The following SEPHS1 variants were observed in gnomAD, a reference collection of about 807,000 sequenced individuals.
SEPHS1 encodes zincore component SEPHS1.
A neutral mutation model predicts 39.2 loss-of-function variants in SEPHS1; 7 were observed. The ratio of observed to expected loss-of-function variants is 0.18; its 90% confidence interval spans 0.10 to 0.34. The LOEUF (loss-of-function observed/expected upper bound fraction) is 0.34, where lower values mean the gene tolerates loss of function less well. Ranked by LOEUF, SEPHS1 falls within the 10% of genes least tolerant of loss-of-function variation. SEPHS1 has a pLI of 1.00. For missense variants in SEPHS1, 253 were observed against 514.5 expected (o/e 0.49, Z 4.92); for synonymous variants, 190 against 195.5 (o/e 0.97, Z 0.23).
In SEPHS1 at chr10:13,336,409, G is replaced by C. The variant is rs551718302; in HGVS notation, c.298-59C>G. ...CGGGGACTTTCCATCTGCAGAAACT[G>C]AGTGAGCCATGGAGTGGACTCCACA... On this transcript the variant is annotated intron_variant, in intron 3 of 8. Transcript: ENST00000327347. 34 of 1,279,844 alleles carry C rather than the reference G, an allele frequency of 2.7e-5. No homozygotes were observed. The East Asian group carries it at 7.3e-4, about 27-fold the overall frequency. 79.3% of individuals were successfully genotyped at this position (1,279,844 alleles called of 1,614,324 possible).
At chr10:13,322,809 C>T in intron 8 of SEPHS1, 26 bp downstream of exon 8, 3 of 1,605,912 alleles carry the variant, frequency 1.9e-6, no homozygotes, top group Non-Finnish European at 2.6e-6. Flanking sequence ...ACTATTTAGT[C>T]CTCAGATGCG....
At chr10:13,324,159 T>C (rs1237185470) in intron 7 of SEPHS1, among the ~76,000 whole-genome samples, 1 of 152,226 alleles carries the variant, frequency 6.6e-6, no homozygotes. Context: ...CAGAATGTCA[T>C]GCAGTTGGAA....
At chr10:13,326,976 G>A (rs1588536463) in intron 7 of SEPHS1, among the ~76,000 whole-genome samples, 2 of 152,012 alleles carry the variant, frequency 1.3e-5, no homozygotes, top group East Asian at 1.9e-4. Context: ...TATGGCTCAC[G>A]CCTATAATCC....
intron 2 of SEPHS1, among the ~76,000 whole-genome samples, chr10:13,343,335 A>T (rs1833846489): frequency 6.6e-6 from 1 of 152,132 alleles, no homozygotes; most frequent in African/African-American, 2.4e-5. Flanking sequence ...CATCAGCTGG[A>T]CGGCAGGAAC....
At chr10:13,328,652 T>C (rs1313445485) in intron 6 of SEPHS1, among the ~76,000 whole-genome samples, 3 of 152,242 alleles carry the variant, frequency 2.0e-5, no homozygotes, top group Admixed American at 6.5e-5. Context: ...GTCTTTTCTG[T>C]TCTCATCCCA....
At chr10:13,345,093 A>G in intron 1 of SEPHS1, 65 bp from the exon 2 acceptor site, 1 of 675,686 alleles carries the variant, frequency 1.5e-6, no homozygotes, top group Non-Finnish European at 2.3e-6. Flanking sequence ...CCAGCGAATC[A>G]AGTGAATACA....
In SEPHS1 at chr10:13,344,827, G is replaced by A. The variant is rs2275127; in HGVS notation, c.124C>T (p.Leu42=). 6,817 of 1,604,196 alleles carry A rather than the reference G, an allele frequency of 4.2e-3. 175 individuals carry two copies. The African/African-American group carries it at 0.049, about 11-fold the overall frequency. ...KVPQDVLQKL[L]ESLQENHFQE... is the part of the protein sequence containing the mutation. ...AAGTGGTTCTCCTGTAAAGATTCCAGCAATTTTTGCAGGACATCTTGGGGC... is the reference window on the plus strand; with the variant it reads ...AAGTGGTTCTCCTGTAAAGATTCCAACAATTTTTGCAGGACATCTTGGGGC... Residue 42 remains leucine (L), a synonymous_variant, in exon 2 of 9, where the codon CTG becomes TTG. Transcript: ENST00000327347.
At chr10:13,346,428 G>A (rs1833923515) in intron 1 of SEPHS1, among the ~76,000 whole-genome samples, 2 of 152,154 alleles carry the variant, frequency 1.3e-5, no homozygotes, top group South Asian at 4.1e-4. Flanking sequence ...CCGAGTTTGG[G>A]CAGTAATCCA....
In SEPHS1 at chr10:13,347,010, G is replaced by C. The variant is rs141584430; in HGVS notation, c.-79+990C>G. Among the ~76,000 whole-genome samples the C allele has an allele frequency of 2.3e-3, 354 of 152,300 alleles. 11 individuals are homozygous for C. The East Asian group carries it at 0.054, about 23-fold the overall frequency. On this transcript the variant is annotated intron_variant, in intron 1 of 8. Transcript: ENST00000327347. The stretch of plus-strand genomic sequence containing the variant: ...TTACATTTTTGGAGGGCATGGGAAG[G>C]GGGAGGGGGTTCTGGGGGAAATGTG...
At chr10:13,342,881 G>A (rs950777959) in intron 2 of SEPHS1, among the ~76,000 whole-genome samples, 3 of 151,958 alleles carry the variant, frequency 2.0e-5, no homozygotes, top group Non-Finnish European at 4.4e-5. Context: ...AACTACAGGT[G>A]TACACCAGCA....
Position 13,319,991 on chromosome 10 carries a change from T to C in SEPHS1, c.965-635A>G, listed in dbSNP as rs181380069. 7.2e-5 allele frequency among the ~76,000 whole-genome samples: 11 copies of C among 152,342 alleles called. 1 individual carries two copies. The East Asian group carries it at 1.9e-3, about 27-fold the overall frequency. The stretch of plus-strand genomic sequence containing the variant: ...AATATTGACAAACAAAAGGGAACTT[T>C]TGATTCTCTACATCGACTCTCTCAT... On this transcript the variant is annotated intron_variant, in intron 8 of 8. Coordinates refer to ENST00000327347, the MANE Select transcript of SEPHS1 (RefSeq NM_012247.5).
rs762321273 is a variant in SEPHS1 at position 13,322,969 on chromosome 10, T to C, written c.830A>G (p.Asn277Ser). 1 of 1,613,930 alleles carries C rather than the reference T, an allele frequency of 6.2e-7. No homozygotes were observed. The highest frequency in any genetic ancestry group is 1.3e-5 in the African/African-American group (1 of 74,882). ...CTCGTTCCTCTGCTGCTTGGCCAGG[T>C]TCTGCGCATGGCCCAAAATCCCGAA... ...TGFGILGHAQ[N>S]LAKQQRNEVS... is the part of the protein sequence containing the mutation. Residue 277 changes from asparagine to serine, a missense_variant, in exon 8 of 9, where the codon AAC (asparagine) becomes AGC (serine). By Grantham distance (46) the Asn-to-Ser change is conservative. Coordinates refer to ENST00000327347, the MANE Select transcript of SEPHS1 (RefSeq NM_012247.5).
At chr10:13,340,276 C>G (rs779107236) in intron 2 of SEPHS1, among the ~76,000 whole-genome samples, 5 of 151,712 alleles carry the variant, frequency 3.3e-5, no homozygotes, top group African/African-American at 4.8e-5. Flanking sequence ...CACTAGATAA[C>G]AAAGCAGAAA....
At chr10:13,342,659 A>G (rs959916251) in intron 2 of SEPHS1, among the ~76,000 whole-genome samples, 9 of 152,228 alleles carry the variant, frequency 5.9e-5, no homozygotes, top group Admixed American at 2.6e-4. Flanking sequence ...GGGTATACAC[A>G]TACATGTATT....
chr10:13,336,536 G>A (rs1373180162), intron 3 of SEPHS1, 186 bp from the exon 4 acceptor site: 1 of 607,004 alleles, frequency 1.6e-6, no homozygotes, highest in African/African-American at 1.8e-5. Flanking sequence ...GAGTCACTAG[G>A]CCATTCGTTT....
chr10:13,341,442 C>G (rs1277135334), intron 2 of SEPHS1, among the ~76,000 whole-genome samples: 2 of 126,968 alleles, frequency 1.6e-5, no homozygotes, highest in African/African-American at 5.0e-5. Context: ...TACCCACCCC[C>G]AACCCCTGCA....
chr10:13,337,105 C>G lies in SEPHS1; in HGVS notation c.298-755G>C, dbSNP rs559226321. 3.3e-5 allele frequency among the ~76,000 whole-genome samples: 5 copies of G among 151,906 alleles called. No homozygotes were observed. The South Asian group carries it at 1.0e-3, about 32-fold the overall frequency. On this transcript the variant is annotated intron_variant, in intron 3 of 8. Coordinates refer to ENST00000327347, the MANE Select transcript of SEPHS1 (RefSeq NM_012247.5). The stretch of plus-strand genomic sequence containing the variant: ...GGTGGAGGTTGCAGTAAGCTGAGAT[C>G]GTGCCACTGCACTCTAGCCTGGGCA...
At chr10:13,320,303 T>C (rs1833067907) in intron 8 of SEPHS1, among the ~76,000 whole-genome samples, 1 of 151,806 alleles carries the variant, frequency 6.6e-6, no homozygotes, top group Non-Finnish European at 1.5e-5. Flanking sequence ...TGCCTCAGCC[T>C]CCTGAGTAGC....
At position 13,338,762 on chromosome 10, in the gene SEPHS1, A is replaced by G. The variant is rs1182570105; in HGVS notation, c.240T>C (p.Leu80=). The change falls in exon 3 of 9, where the codon CTT becomes CTC. Residue 80 remains leucine, a synonymous_variant. Transcript: ENST00000327347. ...TGTAATCTGTGGTTTGAACCAAGGA[A>G]AGCCCACCGTGCCTCAAAGGAATGA... ...TCVIPLRHGG[L]SLVQTTDYIY... is the part of the protein sequence containing the mutation. The G allele has an allele frequency of 2.5e-6, 4 of 1,614,070 alleles. No individual in the cohort carries two copies. The highest frequency in any genetic ancestry group is 3.4e-6 in the Non-Finnish European group (4 of 1,180,018).
Sources: gnomAD v4.1 joint callset for allele counts (sites outside exome capture counted in the v4.1 genomes callset) on GRCh38, gnomAD v4.1.1 for gene constraint, MANE v1.5 for transcripts, NCBI Gene and HGNC (gene_info 2026-07-23, HGNC 2026-07-21) for gene names.